Variants in UBE2D2 observed in about 807,000 individuals in gnomAD.
The protein encoded by UBE2D2 is ubiquitin conjugating enzyme E2 D2.
UBE2D2 carries 2 observed loss-of-function variants against 24.2 expected under a neutral mutation model. The observed-to-expected ratio is 0.08, with a 90% CI of 0.03 to 0.26. The LOEUF is 0.26. UBE2D2 is among the 10% of genes least tolerant of loss of function. The probability of loss-of-function intolerance (pLI) is 1.00; values close to 1 mark genes in which losing one functional copy is unlikely to be tolerated. For missense variants in UBE2D2, 44 were observed against 177.6 expected (o/e 0.25, Z 4.28); for synonymous variants, 58 against 56.5 (o/e 1.03, Z -0.12).
intron 1 of UBE2D2, among the ~76,000 whole-genome samples, chr5:139,539,989 G>A (rs1376943644): frequency 2.0e-5 from 3 of 151,654 alleles, no homozygotes; most frequent in Non-Finnish European, 4.4e-5. Flanking sequence ...GCACAATCTC[G>A]GCTCACTGCA....
At chr5:139,546,793 TTC>T (rs1321237034) in intron 1 of UBE2D2, among the ~76,000 whole-genome samples, 3 of 149,894 alleles carry the variant, frequency 2.0e-5, no homozygotes, top group Admixed American at 1.3e-4. Context: ...GCCTTAAATT[TTC>T]TTTCTTTCTT....
intron 5 of UBE2D2, among the ~76,000 whole-genome samples, chr5:139,616,816 T>A (rs1754431017): frequency 6.6e-6 from 1 of 152,222 alleles, no homozygotes; most frequent in South Asian, 2.1e-4. Context: ...ACATTGTGAT[T>A]TAGTTCTGAA....
chr5:139,592,996 C>CTTT (rs138217969), intron 1 of UBE2D2, among the ~76,000 whole-genome samples: 12 of 124,820 alleles, frequency 9.6e-5, no homozygotes, highest in South Asian at 5.1e-4. Context: ...TTCTTTTTTC[C>CTTT]TTTTTTTTTT....
chr5:139,595,255 T>C (rs577928376), intron 1 of UBE2D2, among the ~76,000 whole-genome samples: 8 of 152,354 alleles, frequency 5.3e-5, no homozygotes, highest in Non-Finnish European at 7.3e-5. Context: ...ACTAGATCGA[T>C]GCCTTTATTA....
chr5:139,557,673 G>C (rs968580097), upstream of UBE2D2, among the ~76,000 whole-genome samples: 2 of 152,006 alleles, frequency 1.3e-5, no homozygotes, highest in African/African-American at 4.8e-5. Context: ...ACTTGAACCC[G>C]GAGACGGAGA....
chr5:139,546,158 C>T (rs1395052331), intron 1 of UBE2D2, among the ~76,000 whole-genome samples: 1 of 152,070 alleles, frequency 6.6e-6, no homozygotes, highest in Non-Finnish European at 1.5e-5. Flanking sequence ...ATTCTCCTGC[C>T]TCAACCTCCC....
intron 6 of UBE2D2, 127 bp downstream of exon 6, chr5:139,623,588 G>T: frequency 1.7e-6 from 1 of 602,362 alleles, no homozygotes; most frequent in East Asian, 2.8e-5. Flanking sequence ...CTCTCCTGGG[G>T]CTAGAAAAGA....
At chr5:139,558,532 C>T (rs540166974), upstream of UBE2D2, among the ~76,000 whole-genome samples, 1 of 152,320 alleles carries the variant, frequency 6.6e-6, no homozygotes, top group African/African-American at 2.4e-5. Context: ...TCGTGATCCG[C>T]CCGCCTCGGC....
intron 1 of UBE2D2, among the ~76,000 whole-genome samples, chr5:139,547,333 T>C (rs1752847106): frequency 6.6e-6 from 1 of 151,972 alleles, no homozygotes; most frequent in Non-Finnish European, 1.5e-5. Context: ...GGCCAAGTCA[T>C]GTATCTATCA....
chr5:139,600,305 A>G, intron 1 of UBE2D2, 67 bp from the exon 2 acceptor site: 1 of 1,530,948 alleles, frequency 6.5e-7, no homozygotes, highest in African/African-American at 1.4e-5. Context: ...GTAACAATAT[A>G]AACTTTAGTA....
At chr5:139,530,455 A>G (rs569996899) in intron 1 of UBE2D2, among the ~76,000 whole-genome samples, 55 of 152,320 alleles carry the variant, frequency 3.6e-4, no homozygotes, top group African/African-American at 1.3e-3. Flanking sequence ...AGAATCATAC[A>G]ATACTATAGA....
chr5:139,547,009 G>C (rs1004103597), intron 1 of UBE2D2, among the ~76,000 whole-genome samples: 48 of 151,238 alleles, frequency 3.2e-4, no homozygotes, highest in Non-Finnish European at 2.8e-4. Context: ...TTCTCCTGCC[G>C]GCCGGGCAAG....
At chr5:139,607,645 A>G (rs1189141368) in intron 2 of UBE2D2, among the ~76,000 whole-genome samples, 1 of 152,234 alleles carries the variant, frequency 6.6e-6, no homozygotes, top group African/African-American at 2.4e-5. Flanking sequence ...GATATGATCT[A>G]CTAAATTAAA....
intron 1 of UBE2D2, among the ~76,000 whole-genome samples, chr5:139,568,444 G>A (rs890949004): frequency 2.6e-5 from 4 of 151,948 alleles, no homozygotes; most frequent in African/African-American, 9.7e-5. Flanking sequence ...TGGATCACAA[G>A]GTCAGGAAAT....
At position 139,532,421 on chromosome 5, in the gene UBE2D2, G is replaced by A. The variant is rs184255438; in HGVS notation, c.-64+5809G>A. ...GGCTGGAGGGCAGTGGCACGATCTCGGCTCACTGCAAGCTCCGCCTCCTCG... is the reference window on the plus strand; with the variant it reads ...GGCTGGAGGGCAGTGGCACGATCTCAGCTCACTGCAAGCTCCGCCTCCTCG... On this transcript the variant is annotated intron_variant, in intron 1 of 6. Transcript: ENST00000511725. 5.8e-3 allele frequency among the ~76,000 whole-genome samples: 872 copies of A among 151,206 alleles called. 13 individuals carry two copies. The highest frequency in any genetic ancestry group is 0.018 in the African/African-American group (748 of 41,200).
intron 1 of UBE2D2, among the ~76,000 whole-genome samples, chr5:139,571,537 G>C (rs1005817969): frequency 6.6e-6 from 1 of 152,046 alleles, no homozygotes; most frequent in Non-Finnish European, 1.5e-5. Flanking sequence ...TAAGGAAACA[G>C]TGGGAGAAAT....
chr5:139,595,830 T>G (rs1753946647), intron 1 of UBE2D2, among the ~76,000 whole-genome samples: 1 of 151,736 alleles, frequency 6.6e-6, no homozygotes, highest in African/African-American at 2.4e-5. Flanking sequence ...CCCTAAGCTT[T>G]CCTTCCTAAA....
At chr5:139,571,651 C>G (rs965309866) in intron 1 of UBE2D2, among the ~76,000 whole-genome samples, 3 of 152,108 alleles carry the variant, frequency 2.0e-5, no homozygotes, top group African/African-American at 7.2e-5. Context: ...TTGTTTTAGT[C>G]ATAGCCCTTC....
chr5:139,597,611 T>C (rs1753986716), intron 1 of UBE2D2, among the ~76,000 whole-genome samples: 1 of 152,222 alleles, frequency 6.6e-6, no homozygotes, highest in Non-Finnish European at 1.5e-5. Flanking sequence ...AAAATTCCAC[T>C]TAATGAACAT....
Sources: allele counts gnomAD v4.1 joint callset (sites outside exome capture counted in the v4.1 genomes callset), GRCh38; gene constraint gnomAD v4.1.1; transcripts MANE v1.5; gene names NCBI Gene and HGNC (gene_info 2026-07-23, HGNC 2026-07-21).